The following MOK variants were observed in gnomAD, a reference collection of about 807,000 sequenced individuals.
MOK encodes the protein MAPK/MAK/MRK overlapping kinase.
A neutral mutation model predicts 54.2 loss-of-function variants in MOK; 59 were observed. The ratio of observed to expected loss-of-function variants is 1.09; its 90% CI spans 0.88 to 1.35. The LOEUF (loss-of-function observed/expected upper bound fraction) is 1.35, where lower values mean the gene tolerates loss of function less well. MOK is among the 40% of genes most tolerant of loss of function. The pLI is 0.00. For missense variants in MOK, 517 were observed against 526.2 expected, an observed-to-expected ratio of 0.98 and a Z score of 0.17; for synonymous variants, 210 against 202.7, an observed-to-expected ratio of 1.04 and a Z score of -0.31.
chr14:102,302,165 C>T (rs2072289832), intron 1 of MOK, among the ~76,000 whole-genome samples: 1 of 151,734 alleles, frequency 6.6e-6, no homozygotes, highest in Admixed American at 6.6e-5. Context: ...GCCCCCCTCC[C>T]AGGTTCAAGC....
chr14:102,225,019 G>A, downstream of MOK: 1 of 326,034 alleles, frequency 3.1e-6, no homozygotes, highest in Non-Finnish European at 6.0e-6. Context: ...GTGAACTGCG[G>A]GTGTATTTGG....
Position 102,251,946 on chromosome 14 carries a change from C to T in MOK, c.333G>A (p.Gln111=). 2 of 1,607,352 alleles carry T rather than the reference C, an allele frequency of 1.2e-6. No homozygotes were observed. The highest frequency in any genetic ancestry group is 1.7e-6 in the Non-Finnish European group (2 of 1,174,660). The part of the protein sequence containing the change: ...SEKKIMHYMY[Q]LCKSLDHIHR... ...GAATATGATCCAGGGACTTACATAACTGGTACATATAGTGCATAATTTTTT... is the reference window on the plus strand; with the variant it reads ...GAATATGATCCAGGGACTTACATAATTGGTACATATAGTGCATAATTTTTT... Residue 111 remains glutamine (Q), a synonymous_variant, in exon 5 of 12, where the codon CAG becomes CAA. Coordinates refer to ENST00000361847, the MANE Select transcript of MOK (RefSeq NM_014226.3).
At chr14:102,295,473 G>A (rs1019201905) in intron 1 of MOK, among the ~76,000 whole-genome samples, 1 of 152,172 alleles carries the variant, frequency 6.6e-6, no homozygotes, top group East Asian at 1.9e-4. Context: ...TAATCAGGGT[G>A]GGTGACAGGC....
chr14:102,295,851 CTGG>C (rs1421235625), intron 1 of MOK, among the ~76,000 whole-genome samples: 1 of 152,228 alleles, frequency 6.6e-6, no homozygotes, highest in East Asian at 1.9e-4. Context: ...GATCTATGTT[CTGG>C]ACTGGGCGTG....
rs372864639 is a variant in MOK at position 102,286,407 on chromosome 14, C to T, written c.8-2815G>A. Among the ~76,000 whole-genome samples the T allele has an allele frequency of 3.3e-5, 5 of 151,762 alleles. No homozygotes were observed. The East Asian group carries it at 7.7e-4, about 23-fold the overall frequency. On this transcript the variant is annotated intron_variant, in intron 1 of 11. Coordinates refer to ENST00000361847, the MANE Select transcript of MOK (RefSeq NM_014226.3). Reference sequence around the variant, plus strand: ...GAGGCCAAGGTGAGGATCACTTGAGCCCAGGAGTTCAAGGCCAAGTTGGGC... The same window carrying T: ...GAGGCCAAGGTGAGGATCACTTGAGTCCAGGAGTTCAAGGCCAAGTTGGGC...
intron 3 of MOK, among the ~76,000 whole-genome samples, chr14:102,265,051 A>G (rs1162566946): frequency 2.6e-5 from 4 of 152,244 alleles, no homozygotes; most frequent in Admixed American, 2.6e-4. Flanking sequence ...ATGATAGATA[A>G]GCCTTATGGA....
Position 102,288,718 on chromosome 14 carries a change from T to C in MOK, c.8-5126A>G, listed in dbSNP as rs139790037. Reference sequence around the variant, plus strand: ...TAGTATGTATATTTCAATAACTCCATTAAAACAGACAACTCTGTGGTGTTG... The same window carrying C: ...TAGTATGTATATTTCAATAACTCCACTAAAACAGACAACTCTGTGGTGTTG... On this transcript the variant is annotated intron_variant, in intron 1 of 11. Transcript: ENST00000361847. Among the ~76,000 whole-genome samples, 12 of 152,318 alleles carry C rather than the reference T, an allele frequency of 7.9e-5. No homozygotes were observed. In the East Asian group the frequency reaches 1.5e-3, roughly 20 times the overall value.
chr14:102,217,033 C>T, the MOK span, among the ~76,000 whole-genome samples: 1 of 152,206 alleles, frequency 6.6e-6, no homozygotes, highest in Non-Finnish European at 1.5e-5. Context: ...TCTAGAGGCT[C>T]TCAGCTCCCT....
intron 1 of MOK, among the ~76,000 whole-genome samples, chr14:102,298,810 A>AG (rs2071777174): frequency 6.6e-6 from 1 of 152,198 alleles, no homozygotes; most frequent in South Asian, 2.1e-4. Context: ...TGCTTTTATG[A>AG]GCTGCAACAC....
rs147251103 is a variant in MOK at position 102,249,960 on chromosome 14, A to G, written c.590+852T>C. Among the ~76,000 whole-genome samples, 703 of 152,252 alleles carry G rather than the reference A, an allele frequency of 4.6e-3. 6 individuals carry two copies. The highest frequency in any genetic ancestry group is 0.016 in the African/African-American group (652 of 41,546). ...GCCGTCTTGTGCGCTGGTGAGATAC[A>G]GGTGGCCTTGTGCTCCTGACATCTG... On this transcript the variant is annotated intron_variant, in intron 7 of 11. Transcript: ENST00000361847. This position sits in a 1 kb window ranked among gnomAD's most constrained non-coding sequence, Gnocchi z 5.3.
intron 1 of MOK, 45 bp from the exon 2 acceptor site, chr14:102,283,637 AC>A (rs1332385413): frequency 1.1e-5 from 14 of 1,247,678 alleles, no homozygotes; most frequent in Non-Finnish European, 1.6e-5. Flanking sequence ...ATTTATGCAT[AC>A]ACTTGTATTC....
At chr14:102,263,502 C>T (rs1420713563) in intron 4 of MOK, 44 bp downstream of exon 4, 2 of 1,393,240 alleles carry the variant, frequency 1.4e-6, no homozygotes, top group Non-Finnish European at 2.0e-6. Context: ...AATTACAAGC[C>T]TTAAAAGAGG....
At chr14:102,264,849 G>T (rs1056850890) in intron 3 of MOK, among the ~76,000 whole-genome samples, 1 of 152,140 alleles carries the variant, frequency 6.6e-6, no homozygotes, top group Non-Finnish European at 1.5e-5. Flanking sequence ...GAGCCACAGC[G>T]AAGCTTCTAC....
rs1463979091 is a variant in MOK, at chr14:102,235,734, A to G, written c.591-1945T>C. Among the ~76,000 whole-genome samples the G allele has an allele frequency of 6.6e-6, 1 of 152,172 alleles. No individual in the cohort carries two copies. Among genetic ancestry groups the G allele is most frequent in the East Asian group, 1.9e-4 (1 of 5,192 alleles). Reference sequence around the variant, plus strand: ...GTGTCGATCCCGCCTCCCGGGAAGGAACTATTGTTCTTTACATCCATTTTA... The same window carrying G: ...GTGTCGATCCCGCCTCCCGGGAAGGGACTATTGTTCTTTACATCCATTTTA... On this transcript the variant is annotated intron_variant, in intron 7 of 11. Coordinates refer to ENST00000361847, the MANE Select transcript of MOK (RefSeq NM_014226.3). The surrounding 1 kb of genome is among the most constrained non-coding windows in gnomAD (Gnocchi z 4.4).
intron 7 of MOK, among the ~76,000 whole-genome samples, chr14:102,246,736 T>TA (rs2153104726): frequency 6.6e-6 from 1 of 152,250 alleles, no homozygotes. Context: ...CATGCCTACT[T>TA]ACGCAACCTG....
chr14:102,248,129 T>G (rs2066237566), intron 7 of MOK, among the ~76,000 whole-genome samples: 1 of 152,146 alleles, frequency 6.6e-6, no homozygotes, highest in Admixed American at 6.5e-5. Context: ...GGCGCCCCTC[T>G]TCTATTACCT....
Position 102,232,811 on chromosome 14 carries a change from G to A in MOK, c.693-103C>T. Reference sequence around the variant, plus strand: ...CCCTGTGTGGTGGGGAATGGTTTATGACTGCAGAGTCTACACCTGTCCCAG... The same window carrying A: ...CCCTGTGTGGTGGGGAATGGTTTATAACTGCAGAGTCTACACCTGTCCCAG... On this transcript the variant is annotated intron_variant, in intron 8 of 11. Transcript: ENST00000361847. The surrounding 1 kb of genome is among the most constrained non-coding windows in gnomAD (Gnocchi z 5.1). 9.5e-7 allele frequency: 1 copy of A among 1,054,336 alleles called. No homozygotes were observed. Among genetic ancestry groups the A allele is most frequent in the Non-Finnish European group, 1.4e-6 (1 of 718,378 alleles). 65.3% of individuals were successfully genotyped at this position (1,054,336 alleles called of 1,614,324 possible). A position where few individuals can be genotyped will look rare whatever the true frequency, so the allele number is the denominator to read the frequency against.
rs55952212 is a variant in MOK, at chr14:102,242,925, T to G, written c.590+7887A>C. On this transcript the variant is annotated intron_variant, in intron 7 of 11. Coordinates refer to ENST00000361847, the MANE Select transcript of MOK (RefSeq NM_014226.3). ...CGCTTCATCCCAGCCACTCTTTGCT[T>G]TCACTTGGACTGACCCTGACACCCA... 9.3e-4 allele frequency among the ~76,000 whole-genome samples: 142 copies of G among 152,304 alleles called. 1 individual carries two copies. Among genetic ancestry groups the G allele is most frequent in the South Asian group, 2.1e-3 (10 of 4,826 alleles).
At chr14:102,223,677 C>G (rs2064136431), downstream of MOK, 1 of 152,376 alleles carries the variant, frequency 6.6e-6, no homozygotes, top group Non-Finnish European at 1.5e-5. Context: ...GAATATACCG[C>G]TTGTTTATCT....
Sources: gnomAD v4.1 joint callset for allele counts (sites outside exome capture counted in the v4.1 genomes callset) on GRCh38, gnomAD v4.1.1 for gene constraint, Gnocchi (gnomAD v3.1) non-coding constraint, MANE v1.5 for transcripts, NCBI Gene and HGNC (gene_info 2026-07-23, HGNC 2026-07-21) for gene names.